ROR2: variants seen among roughly 807,000 people sequenced by gnomAD.
The protein encoded by ROR2 is ROR family WNT receptor 2, also known as tyrosine-protein kinase transmembrane receptor ROR2.
In ROR2, 33 loss-of-function variants were observed where a neutral mutation model predicts 74.9. The observed-to-expected ratio is 0.44, with a 90% confidence interval of 0.33 to 0.59. The LOEUF (loss-of-function observed/expected upper bound fraction) is 0.59, where lower values mean the gene tolerates loss of function less well. ROR2 is among the 20% of genes least tolerant of loss of function. The probability of loss-of-function intolerance (pLI) is 0.02; values close to 1 mark genes in which losing one functional copy is unlikely to be tolerated. For synonymous variants in ROR2, 586 were observed against 558.7 expected, an observed-to-expected ratio of 1.05 and a Z score of -0.69; for missense variants, 1,216 against 1,313.8, an observed-to-expected ratio of 0.93 and a Z score of 1.15.
At chr9:91,727,718 A>G (rs1465396981) in intron 7 of ROR2, among the ~76,000 whole-genome samples, 1 of 152,124 alleles carries the variant, frequency 6.6e-6, no homozygotes, top group Non-Finnish European at 1.5e-5. Context: ...GCAAATAACT[A>G]TATCAGACTT....
At chr9:91,854,115 G>A (rs1429492674) in intron 1 of ROR2, among the ~76,000 whole-genome samples, 1 of 152,140 alleles carries the variant, frequency 6.6e-6, no homozygotes, top group Non-Finnish European at 1.5e-5. Context: ...CCTGTGGGAG[G>A]CCACACAGAC....
At chr9:91,805,726 T>C (rs72744491) in intron 1 of ROR2, among the ~76,000 whole-genome samples, 5,940 of 152,066 alleles carry the variant, frequency 0.039, 171 homozygotes, top group Non-Finnish European at 0.061. Context: ...CACACACACA[T>C]ATGCACACCT....
In ROR2 at chr9:91,725,003, C is replaced by T. The variant is rs146347005; in HGVS notation, c.1491G>A (p.Pro497=). Residue 497 remains proline, a synonymous_variant, in exon 9 of 9, where the codon CCG becomes CCA. Transcript: ENST00000375708. Reference sequence around the variant, plus strand: ...TGGCCACAGCCTGGGTCTGCTCCCCCGGGGCAGGGCCGAACAGGTGACCTT... The same window carrying T: ...TGGCCACAGCCTGGGTCTGCTCCCCTGGGGCAGGGCCGAACAGGTGACCTT... ...VYKGHLFGPA[P]GEQTQAVAIK... 3.5e-4 allele frequency: 570 copies of T among 1,613,842 alleles called. 1 individual carries two copies. The highest frequency in any genetic ancestry group is 6.6e-4 in the Middle Eastern group (4 of 6,062).
chr9:91,844,530 GAA>G (rs1380219836), intron 1 of ROR2, among the ~76,000 whole-genome samples: 1 of 152,216 alleles, frequency 6.6e-6, no homozygotes, highest in African/African-American at 2.4e-5. Flanking sequence ...TGAATTTTGG[GAA>G]GGACGCAATT....
At chr9:91,774,019 T>C (rs1245280578) in intron 2 of ROR2, among the ~76,000 whole-genome samples, 1 of 152,244 alleles carries the variant, frequency 6.6e-6, no homozygotes, top group East Asian at 1.9e-4. Flanking sequence ...CCTAGGATCT[T>C]GCGCAGAGCC....
At chr9:91,744,997 G>C (rs1825362496) in intron 4 of ROR2, among the ~76,000 whole-genome samples, 1 of 152,196 alleles carries the variant, frequency 6.6e-6, no homozygotes, top group Non-Finnish European at 1.5e-5. Context: ...ACGGGCTCGG[G>C]TGGAAACAAA....
chr9:91,880,531 G>A (rs1397763997), intron 1 of ROR2, among the ~76,000 whole-genome samples: 2 of 152,202 alleles, frequency 1.3e-5, no homozygotes, highest in Non-Finnish European at 2.9e-5. Context: ...GAGGTTGACG[G>A]TTTCCAAGAA....
At chr9:91,897,942 G>A (rs1176234593) in intron 1 of ROR2, among the ~76,000 whole-genome samples, 1 of 152,066 alleles carries the variant, frequency 6.6e-6, no homozygotes, top group African/African-American at 2.4e-5. Flanking sequence ...CCCCTGCCTG[G>A]AGCCACAGAA....
At chr9:91,826,234 G>A (rs923056002) in intron 1 of ROR2, among the ~76,000 whole-genome samples, 2 of 152,316 alleles carry the variant, frequency 1.3e-5, no homozygotes, top group Admixed American at 6.5e-5. Flanking sequence ...AATGTATGGA[G>A]CATAGAACAT....
intron 1 of ROR2, among the ~76,000 whole-genome samples, chr9:91,790,280 T>A (rs1034717491): frequency 1.3e-5 from 2 of 150,936 alleles, no homozygotes; most frequent in African/African-American, 2.4e-5. Context: ...GGAGGGCAGA[T>A]CACAAGGTCA....
intron 1 of ROR2, among the ~76,000 whole-genome samples, chr9:91,933,087 C>T (rs117106774): frequency 6.6e-6 from 1 of 152,054 alleles, no homozygotes; most frequent in Admixed American, 6.5e-5. Flanking sequence ...CCAAGGCAGG[C>T]GGATCATGAG....
At chr9:91,841,116 G>A (rs1362223525) in intron 1 of ROR2, among the ~76,000 whole-genome samples, 2 of 152,170 alleles carry the variant, frequency 1.3e-5, no homozygotes, top group Non-Finnish European at 2.9e-5. Flanking sequence ...TCAGTTGACC[G>A]CCCTTGAGCT....
intron 1 of ROR2, among the ~76,000 whole-genome samples, chr9:91,890,366 A>C (rs533141001): frequency 2.1e-3 from 313 of 152,204 alleles, no homozygotes; most frequent in Non-Finnish European, 3.8e-3. Context: ...CTTTTTCTTC[A>C]TTTCTTTTTC....
chr9:91,852,576 C>A (rs1247836548), intron 1 of ROR2, among the ~76,000 whole-genome samples: 1 of 149,926 alleles, frequency 6.7e-6, no homozygotes, highest in Non-Finnish European at 1.5e-5. Flanking sequence ...TTGAGCCCAT[C>A]TGGATTCAGT....
intron 1 of ROR2, among the ~76,000 whole-genome samples, chr9:91,835,844 C>T (rs149392354): frequency 5.1e-4 from 78 of 152,310 alleles, no homozygotes; most frequent in African/African-American, 1.9e-3. Context: ...GAAGACACCA[C>T]AAAAACACTC....
chr9:91,788,860 CAAAAA>C (rs60152648), intron 1 of ROR2, among the ~76,000 whole-genome samples: 2 of 86,830 alleles, frequency 2.3e-5, no homozygotes. Flanking sequence ...GACTCTGTCT[CAAAAA>C]AAAAAAAAAA....
intron 6 of ROR2, among the ~76,000 whole-genome samples, chr9:91,732,560 G>A (rs2118694377): frequency 6.6e-6 from 1 of 152,268 alleles, no homozygotes; most frequent in South Asian, 2.1e-4. Context: ...ATGCCTGATT[G>A]TTACAGGTTC....
rs573839710 is a variant in ROR2, at chr9:91,857,588, C to T, written c.98-81770G>A. Among the ~76,000 whole-genome samples, 199 of 152,298 alleles carry T rather than the reference C, an allele frequency of 1.3e-3. 2 individuals are homozygous for T. In the Middle Eastern group the frequency reaches 0.014, roughly 10 times the overall value. ...CTGTGTGCAGAGCAGTGCCTGACTG[C>T]GTCAGGAGTGAGATGTTACACACCG... On this transcript the variant is annotated intron_variant, in intron 1 of 8. Transcript: ENST00000375708.
At chr9:91,732,854 A>G (rs1184221312) in intron 6 of ROR2, among the ~76,000 whole-genome samples, 1 of 152,184 alleles carries the variant, frequency 6.6e-6, no homozygotes, top group African/African-American at 2.4e-5. Flanking sequence ...AAGCAGGTGG[A>G]GGGACTTCAC....
Sources: gnomAD v4.1 joint callset for allele counts (sites outside exome capture counted in the v4.1 genomes callset) on GRCh38, gnomAD v4.1.1 for gene constraint, MANE v1.5 for transcripts, NCBI Gene and HGNC (gene_info 2026-07-23, HGNC 2026-07-21) for gene names.